The following FOXL2 variants were observed in gnomAD, a reference collection of about 807,000 sequenced individuals.
FOXL2 encodes forkhead box L2.
Under a neutral mutation model 2.5 loss-of-function variants are expected in FOXL2, and 3 were observed. That is an observed-to-expected ratio of 1.20 (90% CI 0.55 to 3.11). The LOEUF (loss-of-function observed/expected upper bound fraction) is 3.11, where lower values mean the gene tolerates loss of function less well. Ranked by LOEUF, FOXL2 falls within the 30% of genes most tolerant of loss-of-function variation. The pLI is 0.03. For synonymous variants in FOXL2, 315 were observed against 269.4 expected, an observed-to-expected ratio of 1.17 and a Z score of -1.66; for missense variants, 512 against 570.0, an observed-to-expected ratio of 0.90 and a Z score of 1.04.
chr3:138,944,397 A>T lies in FOXL2; in HGVS notation c.*1195T>A. The stretch of plus-strand genomic sequence containing the variant: ...CGGGCCGGGCCGGCTCCGGGCCACA[A>T]GACCGCCTAGGTCGGCCGCTGCCGG... On this transcript the variant is annotated 3_prime_UTR_variant, in exon 1 of 1. Coordinates refer to ENST00000648323, the MANE Select transcript of FOXL2 (RefSeq NM_023067.4). 4.3e-6 allele frequency: 1 copy of T among 233,006 alleles called. No homozygotes were observed. Among genetic ancestry groups the T allele is most frequent in the Non-Finnish European group, 8.5e-6 (1 of 117,602 alleles). 14.4% of individuals were successfully genotyped at this position (233,006 alleles called of 1,614,324 possible).
At position 138,945,796 on chromosome 3, in the gene FOXL2, T is replaced by C; in HGVS notation, c.927A>G (p.Pro309=). ...LHAAAAPPPA[P]PHHGAAAPPP... is the part of the protein sequence containing the mutation. ...GCGGCGCGGCGGCCCCGTGGTGCGG[T>C]GGGGCAGGCGGCGGTGCGGCGGCCG... The change falls in exon 1 of 1, where the codon CCA becomes CCG. Residue 309 remains proline, a synonymous_variant. Coordinates refer to ENST00000648323, the MANE Select transcript of FOXL2 (RefSeq NM_023067.4). 1 of 1,174,556 alleles carries C rather than the reference T, an allele frequency of 8.5e-7. No individual in the cohort carries two copies. Among genetic ancestry groups the C allele is most frequent in the Non-Finnish European group, 1.1e-6 (1 of 950,052 alleles). The allele number at this position is 1,174,556 out of a possible 1,614,324, so 72.8% of individuals were successfully genotyped here.
Position 138,945,996 on chromosome 3 carries a change from C to G in FOXL2, c.727G>C (p.Ala243Pro), listed in dbSNP as rs773788619. ...GGGCCCGCCAGCCCCTTGACCACAG[C>G]GGCCGCGCCAGGGCTACCGGGGCCC... ...AAGPGSPGAA[A>P]VVKGLAGPAA... Residue 243 changes from alanine to proline, a missense_variant, in exon 1 of 1, where the codon GCT becomes CCT. Ala to Pro is a conservative substitution (Grantham distance 27, BLOSUM62 -1). Transcript: ENST00000648323. 3.6e-6 allele frequency: 5 copies of G among 1,401,426 alleles called. No individual in the cohort carries two copies. Among genetic ancestry groups the G allele is most frequent in the Non-Finnish European group, 4.6e-6 (5 of 1,090,734 alleles). The allele number at this position is 1,401,426 out of a possible 1,614,324, so 86.8% of individuals were successfully genotyped here. A position where few individuals can be genotyped will look rare whatever the true frequency, so the allele number is the denominator to read the frequency against.
chr3:138,944,565 A>G lies in FOXL2; in HGVS notation c.*1027T>C, dbSNP rs1935910206. ...GACTTGCATCGAAAGATCCGGGGAC[A>G]TTTGTTTTTGATTTTTTTCTTCAGA... On this transcript the variant is annotated 3_prime_UTR_variant, in exon 1 of 1. Transcript: ENST00000648323. The G allele has an allele frequency of 8.6e-6, 2 of 233,096 alleles. No homozygotes were observed. Among genetic ancestry groups the G allele is most frequent in the Admixed American group, 1.1e-4 (2 of 17,796 alleles). The allele number at this position is 233,096 out of a possible 1,614,324, so 14.4% of individuals were successfully genotyped here. A position where few individuals can be genotyped will look rare whatever the true frequency, so the allele number is the denominator to read the frequency against.
Position 138,945,109 on chromosome 3 carries a change from C to A in FOXL2, c.*483G>T, listed in dbSNP as rs540216839. 1 of 234,848 alleles carries A rather than the reference C, an allele frequency of 4.3e-6. No homozygotes were observed. Among genetic ancestry groups the A allele is most frequent in the Non-Finnish European group, 8.4e-6 (1 of 118,880 alleles). 14.5% of individuals were successfully genotyped at this position (234,848 alleles called of 1,614,324 possible). A position where few individuals can be genotyped will look rare whatever the true frequency, so the allele number is the denominator to read the frequency against. On this transcript the variant is annotated 3_prime_UTR_variant, in exon 1 of 1. Transcript: ENST00000648323. ...CGTATTGGTCCGTCCCTTTCTCGGG[C>A]AGCGCGGTCCCGCCATCAGTCCTGT...
In FOXL2 at chr3:138,946,219, C is replaced by A. The variant is rs1433216958; in HGVS notation, c.504G>T (p.Gly168=). 6.5e-7 allele frequency: 1 copy of A among 1,530,172 alleles called. No homozygotes were observed. Among genetic ancestry groups the A allele is most frequent in the Admixed American group, 2.0e-5 (1 of 48,824 alleles). 94.8% of individuals were successfully genotyped at this position (1,530,172 alleles called of 1,614,324 possible). The part of the protein sequence containing the change: ...AHFQPGKGLF[G]AGGAAGGCGV... Reference sequence around the variant, plus strand: ...CGCACCCGCCTGCGGCGCCTCCGGCCCCGAAGAGCCCCTTGCCGGGCTGGA... The same window carrying A: ...CGCACCCGCCTGCGGCGCCTCCGGCACCGAAGAGCCCCTTGCCGGGCTGGA... Residue 168 remains glycine, a synonymous_variant, in exon 1 of 1, where the codon GGG becomes GGT. Transcript: ENST00000648323.
chr3:138,945,044 G>C lies in FOXL2; in HGVS notation c.*548C>G. ...CGCCTAGTGGGCCCCGCGGCAAGCGGCTTCTGAACAGCTTCAAGAGGGTTC... is the reference window on the plus strand; with the variant it reads ...CGCCTAGTGGGCCCCGCGGCAAGCGCCTTCTGAACAGCTTCAAGAGGGTTC... On this transcript the variant is annotated 3_prime_UTR_variant, in exon 1 of 1. Coordinates refer to ENST00000648323, the MANE Select transcript of FOXL2 (RefSeq NM_023067.4). 4.3e-6 allele frequency: 1 copy of C among 233,034 alleles called. No individual in the cohort carries two copies. The highest frequency in any genetic ancestry group is 6.0e-5 in the East Asian group (1 of 16,572). The allele number at this position is 233,034 out of a possible 1,614,324, so 14.4% of individuals were successfully genotyped here.
Position 138,945,934 on chromosome 3 carries a change from G to T in FOXL2, c.789C>A (p.Ser263Arg), listed in dbSNP as rs2107743526. ...TCACTACGCCGGGGGGCAGCGCCATGCTCTGCACGCGTGTGTACGGCCCGT... is the reference window on the plus strand; with the variant it reads ...TCACTACGCCGGGGGGCAGCGCCATTCTCTGCACGCGTGTGTACGGCCCGT... ...ASYGPYTRVQ[S>R]MALPPGVVNS... is the part of the protein sequence containing the mutation. The change falls in exon 1 of 1, where the codon AGC becomes AGA. Residue 263 changes from serine to arginine, a missense_variant. Coordinates refer to ENST00000648323, the MANE Select transcript of FOXL2 (RefSeq NM_023067.4). The T allele has an allele frequency of 7.3e-7, 1 of 1,375,268 alleles. No homozygotes were observed. Among genetic ancestry groups the T allele is most frequent in the Admixed American group, 3.1e-5 (1 of 31,818 alleles). The allele number at this position is 1,375,268 out of a possible 1,614,324, so 85.2% of individuals were successfully genotyped here.
rs1057516147 is a variant in FOXL2 at position 138,946,490 on chromosome 3, G to C, written c.233C>G (p.Ser78Cys). ...CGCGATGATGTACTGGTAGATGCCGGACAGCGTGAGCCTCTTCTCCGCGCT... is the reference window on the plus strand; with the variant it reads ...CGCGATGATGTACTGGTAGATGCCGCACAGCGTGAGCCTCTTCTCCGCGCT... ...RESAEKRLTL[S>C]GIYQYIIAKF... Residue 78 changes from serine to cysteine, a missense_variant, in exon 1 of 1, where the codon TCC (serine) becomes TGC (cysteine). Physicochemically the swap from Ser to Cys is moderately radical, Grantham distance 112. This residue lies in a region of FOXL2 where 63 missense variants were observed against 138.9 expected (regional missense o/e 0.45). Transcript: ENST00000648323. The C allele has an allele frequency of 1.2e-6, 2 of 1,614,040 alleles. No individual in the cohort carries two copies. Among genetic ancestry groups the C allele is most frequent in the Non-Finnish European group, 8.5e-7 (1 of 1,179,992 alleles).
Position 138,945,257 on chromosome 3 carries a change from GGCCCTT to G in FOXL2, c.*329_*334del. 3.9e-6 allele frequency: 1 copy of G among 258,558 alleles called. No homozygotes were observed. Among genetic ancestry groups the G allele is most frequent in the South Asian group, 1.4e-4 (1 of 7,382 alleles). The allele number at this position is 258,558 out of a possible 1,614,324, so 16.0% of individuals were successfully genotyped here. ...GACGCCCGGTCGCACCTCCGCCCCG[GGCCCTT>G]TCCGCGGTGAATTTGGGCAGGAGAC... On this transcript the variant is annotated 3_prime_UTR_variant, in exon 1 of 1. Coordinates refer to ENST00000648323, the MANE Select transcript of FOXL2 (RefSeq NM_023067.4).
Position 138,946,661 on chromosome 3 carries a change from C to A in FOXL2, c.62G>T (p.Gly21Val). The A allele has an allele frequency of 6.3e-7, 1 of 1,588,840 alleles. No homozygotes were observed. Among genetic ancestry groups the A allele is most frequent in the Non-Finnish European group, 8.5e-7 (1 of 1,170,614 alleles). ...CCCTTCTGGCTCCTTGACTGTGCGA[C>A]CGGTCTCTGGGGCCAGCAGGGCCCC... ...AAGALLAPETGRTVKEPEGPP... is the reference protein window; with the variant it reads ...AAGALLAPETVRTVKEPEGPP... The change falls in exon 1 of 1, where the codon GGT (glycine) becomes GTT (valine). Residue 21 changes from glycine (G) to valine (V), a missense_variant. Physicochemically the swap from Gly to Val is moderately radical, Grantham distance 109 (BLOSUM62 -3). Around this residue, in one of 5 missense-constraint regions of FOXL2, gnomAD observed 92 missense variants for 77.8 expected, o/e 1.18. Transcript: ENST00000648323.
rs756632722 is a variant in FOXL2, at chr3:138,946,558, G to A, written c.165C>T (p.Pro55=). Residue 55 remains proline (P), a synonymous_variant, in exon 1 of 1, where the codon CCC becomes CCT. Transcript: ENST00000648323. ...APEKPDPAQK[P]PYSYVALIAM... The stretch of plus-strand genomic sequence containing the variant: ...CGATGAGCGCCACGTACGAGTACGG[G>A]GGCTTCTGCGCCGGGTCCGGCTTCT... 8.7e-6 allele frequency: 14 copies of A among 1,611,482 alleles called. No homozygotes were observed. The highest frequency in any genetic ancestry group is 1.2e-5 in the Non-Finnish European group (14 of 1,179,916).
In FOXL2 at chr3:138,945,107, G is replaced by A. The variant is rs1935920529; in HGVS notation, c.*485C>T. ...CACGTATTGGTCCGTCCCTTTCTCG[G>A]GCAGCGCGGTCCCGCCATCAGTCCT... is the stretch of plus-strand genomic sequence containing the variant. On this transcript the variant is annotated 3_prime_UTR_variant, in exon 1 of 1. Coordinates refer to ENST00000648323, the MANE Select transcript of FOXL2 (RefSeq NM_023067.4). The A allele has an allele frequency of 4.3e-6, 1 of 234,798 alleles. No homozygotes were observed. The highest frequency in any genetic ancestry group is 8.4e-6 in the Non-Finnish European group (1 of 118,940). The allele number at this position is 234,798 out of a possible 1,614,324, so 14.5% of individuals were successfully genotyped here. A position where few individuals can be genotyped will look rare whatever the true frequency, so the allele number is the denominator to read the frequency against.
rs755962207 is a variant in FOXL2, at chr3:138,945,915, C to T, written c.808G>A (p.Val270Ile). ...CCCAGGCCATTGTACGAGTTCACTA[C>T]GCCGGGGGGCAGCGCCATGCTCTGC... ...RVQSMALPPGVVNSYNGLGGP... is the reference protein window; with the variant it reads ...RVQSMALPPGIVNSYNGLGGP... Residue 270 changes from valine to isoleucine, a missense_variant, in exon 1 of 1, where the codon GTA becomes ATA. By Grantham distance (29) the Val-to-Ile change is conservative. Coordinates refer to ENST00000648323, the MANE Select transcript of FOXL2 (RefSeq NM_023067.4). 3.0e-6 allele frequency: 4 copies of T among 1,332,832 alleles called. No individual in the cohort carries two copies. Among genetic ancestry groups the T allele is most frequent in the Non-Finnish European group, 3.8e-6 (4 of 1,050,662 alleles). 82.6% of individuals were successfully genotyped at this position (1,332,832 alleles called of 1,614,324 possible). A position where few individuals can be genotyped will look rare whatever the true frequency, so the allele number is the denominator to read the frequency against.
Position 138,945,888 on chromosome 3 carries a change from C to T in FOXL2, c.835G>A (p.Gly279Ser). ...GVVNSYNGLGGPPAAPPPPPH... is the reference protein window; with the variant it reads ...GVVNSYNGLGSPPAAPPPPPH... The stretch of plus-strand genomic sequence containing the variant: ...GGAGGCGGGGGTGCGGCCGGCGGGC[C>T]TCCCAGGCCATTGTACGAGTTCACT... The change falls in exon 1 of 1, where the codon GGC becomes AGC. Residue 279 changes from glycine (G) to serine (S), a missense_variant. This residue lies in a region of FOXL2 where 287 missense variants were observed against 277.4 expected (regional missense o/e 1.03). Coordinates refer to ENST00000648323, the MANE Select transcript of FOXL2 (RefSeq NM_023067.4). The T allele has an allele frequency of 7.9e-7, 1 of 1,260,754 alleles. No individual in the cohort carries two copies. Among genetic ancestry groups the T allele is most frequent in the Non-Finnish European group, 9.9e-7 (1 of 1,007,424 alleles). The allele number at this position is 1,260,754 out of a possible 1,614,324, so 78.1% of individuals were successfully genotyped here. A position where few individuals can be genotyped will look rare whatever the true frequency, so the allele number is the denominator to read the frequency against.
In FOXL2 at chr3:138,945,628, G is replaced by T; in HGVS notation, c.1095C>A (p.Ser365Arg). The T allele has an allele frequency of 6.2e-7, 1 of 1,610,928 alleles. No individual in the cohort carries two copies. The highest frequency in any genetic ancestry group is 8.5e-7 in the Non-Finnish European group (1 of 1,178,664). Residue 365 changes from serine to arginine, a missense_variant, in exon 1 of 1, where the codon AGC (serine) becomes AGA (arginine). Coordinates refer to ENST00000648323, the MANE Select transcript of FOXL2 (RefSeq NM_023067.4). ...MMHCSYWDHD[S>R]KTGALHSRLD... Reference sequence around the variant, plus strand: ...GGCGCGAATGCAGCGCGCCGGTCTTGCTGTCGTGGTCCCAGTAAGAGCAAT... The same window carrying T: ...GGCGCGAATGCAGCGCGCCGGTCTTTCTGTCGTGGTCCCAGTAAGAGCAAT...
Position 138,945,246 on chromosome 3 carries a change from C to T in FOXL2, c.*346G>A. On this transcript the variant is annotated 3_prime_UTR_variant, in exon 1 of 1. Transcript: ENST00000648323. ...TCTGCGCTGCCGACGCCCGGTCGCA[C>T]CTCCGCCCCGGGCCCTTTCCGCGGT... 29 of 244,680 alleles carry T rather than the reference C, an allele frequency of 1.2e-4. No individual in the cohort carries two copies. The highest frequency in any genetic ancestry group is 6.6e-4 in the Admixed American group (12 of 18,230). 15.2% of individuals were successfully genotyped at this position (244,680 alleles called of 1,614,324 possible). A position where few individuals can be genotyped will look rare whatever the true frequency, so the allele number is the denominator to read the frequency against.
Position 138,945,869 on chromosome 3 carries a change from G to C in FOXL2, c.854C>G (p.Pro285Arg). 1 of 1,246,820 alleles carries C rather than the reference G, an allele frequency of 8.0e-7. No individual in the cohort carries two copies. The highest frequency in any genetic ancestry group is 1.0e-6 in the Non-Finnish European group (1 of 999,064). 77.2% of individuals were successfully genotyped at this position (1,246,820 alleles called of 1,614,324 possible). ...NGLGGPPAAP[P>R]PPPHPHPHPH... The stretch of plus-strand genomic sequence containing the variant: ...ATGCGGGTGGGGGTGCGGCGGAGGC[G>C]GGGGTGCGGCCGGCGGGCCTCCCAG... The change falls in exon 1 of 1, where the codon CCG (proline) becomes CGG (arginine). Residue 285 changes from proline to arginine, a missense_variant. Physicochemically the swap from Pro to Arg is moderately radical, Grantham distance 103. Around this residue, in one of 5 missense-constraint regions of FOXL2, gnomAD observed 287 missense variants for 277.4 expected, o/e 1.03. Transcript: ENST00000648323.
Position 138,946,179 on chromosome 3 carries a change from C to G in FOXL2, c.544G>C (p.Gly182Arg), listed in dbSNP as rs2107744106. 2 of 1,483,936 alleles carry G rather than the reference C, an allele frequency of 1.3e-6. No individual in the cohort carries two copies. Among genetic ancestry groups the G allele is most frequent in the Non-Finnish European group, 1.8e-6 (2 of 1,124,046 alleles). The allele number at this position is 1,483,936 out of a possible 1,614,324, so 91.9% of individuals were successfully genotyped here. A position where few individuals can be genotyped will look rare whatever the true frequency, so the allele number is the denominator to read the frequency against. Residue 182 changes from glycine (G) to arginine (R), a missense_variant, in exon 1 of 1, where the codon GGG (glycine) becomes CGG (arginine). Gly to Arg is a moderately radical substitution (Grantham distance 125). This residue lies in a region of FOXL2 where 287 missense variants were observed against 277.4 expected (regional missense o/e 1.03). Coordinates refer to ENST00000648323, the MANE Select transcript of FOXL2 (RefSeq NM_023067.4). ...GCCAGGTAGCCGTAGCCGTCGGCCC[C>G]GGCGCCCGCCACGCCGCACCCGCCT... Reference protein sequence around the residue: ...AAGGCGVAGAGADGYGYLAPP... With the variant: ...AAGGCGVAGARADGYGYLAPP...
chr3:138,946,061 GC>G lies in FOXL2; in HGVS notation c.661del (p.Ala221ArgfsTer50). ...SPMPYASCQM[A>X]AAAAAAAAAA... ...AGCTGCTGCAGCCGCTGCGGCTGCC[GC>G]CATCTGGCAGGAGGCATAGGGCATG... On this transcript the variant is annotated frameshift_variant, in exon 1 of 1. Transcript: ENST00000648323. LOFTEE classifies it low-confidence loss of function (END_TRUNC). 7.1e-7 allele frequency: 1 copy of G among 1,405,174 alleles called. No homozygotes were observed. The highest frequency in any genetic ancestry group is 1.5e-5 in the South Asian group (1 of 66,192). The allele number at this position is 1,405,174 out of a possible 1,614,324, so 87.0% of individuals were successfully genotyped here.
Sources: allele counts gnomAD v4.1 joint callset, GRCh38; gene constraint gnomAD v4.1.1; regional missense constraint gnomAD v4.1.1; transcripts MANE v1.5; gene names NCBI Gene and HGNC (gene_info 2026-07-23, HGNC 2026-07-21).